The following PPME1 variants were observed in gnomAD, a reference collection of about 807,000 sequenced individuals.
PPME1 encodes the protein testicular secretory protein Li 39.
In PPME1, 17 loss-of-function variants were observed where a neutral mutation model predicts 56.9. The observed-to-expected ratio is 0.30, with a 90% CI of 0.20 to 0.45. PPME1 has a LOEUF of 0.45. Ranked by LOEUF, PPME1 falls within the 20% of genes least tolerant of loss-of-function variation. PPME1 has a pLI of 1.00. For synonymous variants in PPME1, 122 were observed against 156.2 expected (o/e 0.78, Z 1.63); for missense variants, 357 against 483.2 (o/e 0.74, Z 2.45).
chr11:74,219,434 T>C (rs974948448), intron 3 of PPME1, among the ~76,000 whole-genome samples: 1 of 151,990 alleles, frequency 6.6e-6, no homozygotes, highest in African/African-American at 2.4e-5. Flanking sequence ...ATCGAAGAGA[T>C]ATTACACTCC....
At chr11:74,218,313 A>C (rs1046321811) in intron 3 of PPME1, among the ~76,000 whole-genome samples, 1 of 152,218 alleles carries the variant, frequency 6.6e-6, no homozygotes, top group Non-Finnish European at 1.5e-5. Flanking sequence ...CAACATTGTT[A>C]AAGTGTCCGT....
chr11:74,251,461 A>G (rs1293991133), intron 12 of PPME1, 187 bp from the exon 13 acceptor site: 24 of 1,425,324 alleles, frequency 1.7e-5, no homozygotes, highest in Non-Finnish European at 2.1e-5. Flanking sequence ...TATCCCTGGC[A>G]AGGATAGTGG....
At position 74,234,793 on chromosome 11, in the gene PPME1, G is replaced by A. The variant is rs138927263; in HGVS notation, c.645-1108G>A. Among the ~76,000 whole-genome samples the A allele has an allele frequency of 6.4e-4, 98 of 152,290 alleles. No homozygotes were observed. In the East Asian group the frequency reaches 0.018, roughly 28 times the overall value. On this transcript the variant is annotated intron_variant, in intron 7 of 13. Transcript: ENST00000328257. ...TAGGTAGTAGTGAATGTGGCATTGG[G>A]AATGTTTTTAAAGGCTGGATAATGG...
chr11:74,220,456 T>C (rs758231921), intron 3 of PPME1, among the ~76,000 whole-genome samples: 2 of 152,178 alleles, frequency 1.3e-5, no homozygotes, highest in Non-Finnish European at 2.9e-5. Flanking sequence ...GGCAGTAGTA[T>C]TTAGGTGATT....
At chr11:74,189,142 C>T (rs1857768749) in intron 1 of PPME1, among the ~76,000 whole-genome samples, 1 of 152,174 alleles carries the variant, frequency 6.6e-6, no homozygotes, top group South Asian at 2.1e-4. Flanking sequence ...GTAATTCCAA[C>T]ACTTTGGTAG....
At position 74,232,674 on chromosome 11, in the gene PPME1, CT is replaced by C. The variant is rs1216584605; in HGVS notation, c.644+1691del. 4.5e-3 allele frequency among the ~76,000 whole-genome samples: 604 copies of C among 134,434 alleles called. 2 individuals are homozygous for C. The highest frequency in any genetic ancestry group is 5.1e-3 in the African/African-American group (184 of 36,400). 88.2% of individuals were successfully genotyped at this position (134,434 alleles called of 152,430 possible). ...AAAGCCCATCCAACTTTTATCCAAA[CT>C]TTTTTTTTTTTTTTTTTTGAGACAG... On this transcript the variant is annotated intron_variant, in intron 7 of 13. Coordinates refer to ENST00000328257, the MANE Select transcript of PPME1 (RefSeq NM_016147.3).
chr11:74,191,375 G>T (rs1857832786), intron 1 of PPME1, among the ~76,000 whole-genome samples: 1 of 152,166 alleles, frequency 6.6e-6, no homozygotes, highest in Non-Finnish European at 1.5e-5. Flanking sequence ...TTTAAAATGG[G>T]AGCAGACTGT....
chr11:74,184,411 G>T (rs549587025), intron 1 of PPME1, among the ~76,000 whole-genome samples: 1 of 152,312 alleles, frequency 6.6e-6, no homozygotes, highest in South Asian at 2.1e-4. Context: ...ACTGTTGGGA[G>T]AAATGTGTCT....
chr11:74,198,033 A>G (rs1287484962), intron 1 of PPME1, among the ~76,000 whole-genome samples: 1 of 152,164 alleles, frequency 6.6e-6, no homozygotes, highest in Non-Finnish European at 1.5e-5. Flanking sequence ...GGGGGAGGAA[A>G]TTATTTATTT....
rs1859282081 is a variant in PPME1, at chr11:74,239,214, A to G, written c.792A>G (p.Gly264=). The G allele has an allele frequency of 1.9e-6, 3 of 1,613,490 alleles. No homozygotes were observed. The highest frequency in any genetic ancestry group is 1.3e-5 in the African/African-American group (1 of 75,044). The change falls in exon 9 of 14, where the codon GGA becomes GGG. Residue 264 remains glycine, a synonymous_variant. Transcript: ENST00000328257. ...AGGAAGAAGAAGAAGATGAGGAAGG[A>G]AGTGAGTCTATAAGCAAGAGGAAAA... ...IIEEEEEDEE[G]SESISKRKKE... is the part of the protein sequence containing the mutation.
intron 3 of PPME1, among the ~76,000 whole-genome samples, chr11:74,214,330 A>G (rs1042097316): frequency 2.0e-5 from 3 of 152,212 alleles, no homozygotes; most frequent in African/African-American, 7.2e-5. Flanking sequence ...CACCTACAAT[A>G]GAAAATAGCC....
intron 8 of PPME1, among the ~76,000 whole-genome samples, chr11:74,237,068 G>T (rs560360377): frequency 1.7e-4 from 25 of 150,916 alleles, no homozygotes; most frequent in African/African-American, 6.0e-4. Context: ...ATTTCTTGAG[G>T]AAACCTTGTT....
chr11:74,230,857 T>C lies in PPME1; in HGVS notation c.554-55T>C. 1.6e-6 allele frequency: 2 copies of C among 1,287,656 alleles called. No homozygotes were observed. Among genetic ancestry groups the C allele is most frequent in the Non-Finnish European group, 2.2e-6 (2 of 905,210 alleles). 79.8% of individuals were successfully genotyped at this position (1,287,656 alleles called of 1,614,324 possible). The stretch of plus-strand genomic sequence containing the variant: ...GATATATAGTAGTTGACTCAGTAAG[T>C]GTAAATGCTCAGAATAAGTTAAATA... On this transcript the variant is annotated intron_variant, in intron 6 of 13. Coordinates refer to ENST00000328257, the MANE Select transcript of PPME1 (RefSeq NM_016147.3). The surrounding 1 kb of genome is among the most constrained non-coding windows in gnomAD (Gnocchi z 4.9).
intron 8 of PPME1, among the ~76,000 whole-genome samples, chr11:74,237,489 ATGGTCTCT>A (rs1859223793): frequency 6.6e-6 from 1 of 151,820 alleles, no homozygotes; most frequent in African/African-American, 2.4e-5. Context: ...GTTAGCCAGG[ATGGTCTCT>A]ATCTCCTGAC....
chr11:74,203,831 G>T lies in PPME1; in HGVS notation c.195+10G>T. Reference sequence around the variant, plus strand: ...TGAAACTGGCAAGGATATATCCTTTGCAAAATGGCTTATTCTTTAGTGAGC... The same window carrying T: ...TGAAACTGGCAAGGATATATCCTTTTCAAAATGGCTTATTCTTTAGTGAGC... On this transcript the variant is annotated intron_variant, in intron 2 of 13. Transcript: ENST00000328257. The T allele has an allele frequency of 6.4e-7, 1 of 1,572,142 alleles. No homozygotes were observed. Among genetic ancestry groups the T allele is most frequent in the Non-Finnish European group, 8.7e-7 (1 of 1,152,140 alleles).
chr11:74,216,793 C>T (rs748122589), intron 3 of PPME1, among the ~76,000 whole-genome samples: 15 of 152,080 alleles, frequency 9.9e-5, no homozygotes, highest in Non-Finnish European at 1.5e-5. Flanking sequence ...GGAGACATTG[C>T]ACCTGATACT....
intron 4 of PPME1, chr11:74,222,766 G>A (rs1235014515): frequency 5.1e-6 from 1 of 194,832 alleles, no homozygotes; most frequent in Admixed American, 5.8e-5. Context: ...TAGCATCACA[G>A]GTGTGAGCCA....
At chr11:74,203,862 A>G in intron 2 of PPME1, 41 bp downstream of exon 2, 1 of 1,412,414 alleles carries the variant, frequency 7.1e-7, no homozygotes, top group Non-Finnish European at 9.8e-7. Flanking sequence ...TGAGCTTATG[A>G]TGTTGTCTAA....
At chr11:74,241,272 A>G (rs1288990218) in intron 9 of PPME1, among the ~76,000 whole-genome samples, 1 of 152,176 alleles carries the variant, frequency 6.6e-6, no homozygotes, top group Non-Finnish European at 1.5e-5. Context: ...TTTTCTCTTA[A>G]AATAAAATTA....
Sources: gnomAD v4.1 joint callset for allele counts (sites outside exome capture counted in the v4.1 genomes callset) on GRCh38, gnomAD v4.1.1 for gene constraint, Gnocchi (gnomAD v3.1) non-coding constraint, MANE v1.5 for transcripts, NCBI Gene and HGNC (gene_info 2026-07-23, HGNC 2026-07-21) for gene names.